The following AGAP1 variants were observed in gnomAD, a reference collection of about 807,000 sequenced individuals.
AGAP1 encodes the protein ArfGAP with GTPase domain, ankyrin repeat and PH domain 1, also known as arf-GAP with GTPase, ANK repeat and PH domain-containing protein 1.
A neutral mutation model predicts 105.3 loss-of-function variants in AGAP1; 29 were observed. The ratio of observed to expected loss-of-function variants is 0.28; its 90% CI spans 0.21 to 0.38. AGAP1 has a LOEUF of 0.38. AGAP1 is among the 10% of genes least tolerant of loss of function. AGAP1 has a pLI of 1.00. For synonymous variants in AGAP1, 509 were observed against 485.9 expected, an observed-to-expected ratio of 1.05 and a Z score of -0.63; for missense variants, 998 against 1,165.1, an observed-to-expected ratio of 0.86 and a Z score of 2.09.
intron 1 of AGAP1, among the ~76,000 whole-genome samples, chr2:235,682,833 G>A (rs79936392): frequency 0.033 from 4,182 of 127,874 alleles, 198 homozygotes; most frequent in African/African-American, 0.15. Flanking sequence ...CAGGCAGCAC[G>A]AGCACGGAAT....
Position 235,993,344 on chromosome 2 carries a change from T to C in AGAP1, c.1645+24721T>C, listed in dbSNP as rs924353404. Among the ~76,000 whole-genome samples, 1 of 152,200 alleles carries C rather than the reference T, an allele frequency of 6.6e-6. No homozygotes were observed. Among genetic ancestry groups the C allele is most frequent in the South Asian group, 2.1e-4 (1 of 4,828 alleles). ...ATTTCACTTGGGTTAGCCTTGTCCC[T>C]TCGACTAGGCTGGAAGCCCAAGAAG... is the stretch of plus-strand genomic sequence containing the variant. On this transcript the variant is annotated intron_variant, in intron 13 of 17. Coordinates refer to ENST00000304032, the MANE Select transcript of AGAP1 (RefSeq NM_001037131.3). The surrounding 1 kb of genome is among the most constrained non-coding windows in gnomAD (Gnocchi z 5.0).
intron 10 of AGAP1, among the ~76,000 whole-genome samples, chr2:235,896,692 A>T (rs1435012356): frequency 6.6e-6 from 1 of 152,222 alleles, no homozygotes; most frequent in African/African-American, 2.4e-5. Flanking sequence ...TTTGTCATTC[A>T]TGTGACCTGT....
chr2:235,841,942 A>G (rs1042212064), intron 9 of AGAP1, among the ~76,000 whole-genome samples: 1 of 152,140 alleles, frequency 6.6e-6, no homozygotes, highest in African/African-American at 2.4e-5. Flanking sequence ...CTACACGCTC[A>G]TTAGTGAGTT....
chr2:236,120,240 C>A lies in AGAP1; in HGVS notation c.2163C>A (p.Phe721Leu). The change falls in exon 17 of 18, where the codon TTC (phenylalanine) becomes TTA (leucine). Residue 721 changes from phenylalanine to leucine, a missense_variant. Coordinates refer to ENST00000304032, the MANE Select transcript of AGAP1 (RefSeq NM_001037131.3). The surrounding 1 kb of genome is among the most constrained non-coding windows in gnomAD (Gnocchi z 6.0). ...GTGCCAAGTACGAGCAGAAGCTCTT[C>A]CTGGCCCCGCTGCCCTGCACGGAGC... ...WIRAKYEQKL[F>L]LAPLPCTELS... 2 of 1,613,368 alleles carry A rather than the reference C, an allele frequency of 1.2e-6. No individual in the cohort carries two copies. The highest frequency in any genetic ancestry group is 1.7e-6 in the Non-Finnish European group (2 of 1,179,568).
intron 1 of AGAP1, among the ~76,000 whole-genome samples, chr2:235,558,334 T>C (rs923317307): frequency 1.3e-5 from 2 of 152,208 alleles, no homozygotes; most frequent in Non-Finnish European, 2.9e-5. Context: ...GCTTCTGTGC[T>C]TTGGAGACCT....
At chr2:236,049,344 G>A (rs1342588050) in intron 16 of AGAP1, 63 bp downstream of exon 16, 20 of 1,480,516 alleles carry the variant, frequency 1.4e-5, no homozygotes, top group Non-Finnish European at 1.7e-5. Context: ...AACTGGAAGT[G>A]ATCATAATGA....
rs939273692 is a variant in AGAP1 at position 236,012,938 on chromosome 2, T to C, written c.1646-23623T>C. ...ATTTTTGTATTTTTAGTAGAGACGG[T>C]GTTTTGCCATGTTGGCCAGGCTGGT... is the stretch of plus-strand genomic sequence containing the variant. On this transcript the variant is annotated intron_variant, in intron 13 of 17. Coordinates refer to ENST00000304032, the MANE Select transcript of AGAP1 (RefSeq NM_001037131.3). The surrounding 1 kb of genome is among the most constrained non-coding windows in gnomAD (Gnocchi z 4.9). 6.6e-6 allele frequency among the ~76,000 whole-genome samples: 1 copy of C among 151,956 alleles called. No homozygotes were observed. Among genetic ancestry groups the C allele is most frequent in the African/African-American group, 2.4e-5 (1 of 41,366 alleles).
intron 16 of AGAP1, among the ~76,000 whole-genome samples, chr2:236,066,645 A>G (rs570274998): frequency 6.6e-6 from 1 of 152,336 alleles, no homozygotes; most frequent in African/African-American, 2.4e-5. Flanking sequence ...CAAGTGGTAT[A>G]TTATTCTTTT....
chr2:235,710,445 C>T (rs1310379201), intron 2 of AGAP1, among the ~76,000 whole-genome samples: 1 of 152,330 alleles, frequency 6.6e-6, no homozygotes, highest in Non-Finnish European at 1.5e-5. Flanking sequence ...CACCCATCCC[C>T]ACCGCAACCG....
At chr2:235,952,852 G>T (rs1575868147) in intron 12 of AGAP1, among the ~76,000 whole-genome samples, 1 of 152,094 alleles carries the variant, frequency 6.6e-6, no homozygotes, top group Admixed American at 6.5e-5. Flanking sequence ...TTCTGTTCAG[G>T]GTCACTGTGG....
chr2:236,066,642 T>C (rs2058353800), intron 16 of AGAP1, among the ~76,000 whole-genome samples: 1 of 152,256 alleles, frequency 6.6e-6, no homozygotes, highest in African/African-American at 2.4e-5. Context: ...GAGCAAGTGG[T>C]ATATTATTCT....
At chr2:235,670,610 G>A (rs1948347958) in intron 1 of AGAP1, 2 of 576,588 alleles carry the variant, frequency 3.5e-6, no homozygotes, top group South Asian at 2.0e-5. Context: ...GACACTGGGC[G>A]GCGGAAGGCG....
At chr2:235,532,596 G>A (rs1035212063) in intron 1 of AGAP1, among the ~76,000 whole-genome samples, 1 of 152,100 alleles carries the variant, frequency 6.6e-6, no homozygotes, top group African/African-American at 2.4e-5. Flanking sequence ...CTTTGTCCTC[G>A]CCTTTTCATA....
chr2:235,516,365 C>A (rs186339666), intron 1 of AGAP1, among the ~76,000 whole-genome samples: 80 of 152,158 alleles, frequency 5.3e-4, no homozygotes, highest in African/African-American at 1.8e-3. Context: ...TTTTTTAAAT[C>A]TCTTGTGGCA....
rs554795081 is a variant in AGAP1 at position 235,989,192 on chromosome 2, T to C, written c.1645+20569T>C. ...TTAACAGCTTGTTGTCTGTGGTGTC[T>C]TCCTTCTTCCCTGGAATTAGATATT... is the stretch of plus-strand genomic sequence containing the variant. On this transcript the variant is annotated intron_variant, in intron 13 of 17. Transcript: ENST00000304032. The surrounding 1 kb of genome is among the most constrained non-coding windows in gnomAD (Gnocchi z 4.4). Among the ~76,000 whole-genome samples, 31 of 152,342 alleles carry C rather than the reference T, an allele frequency of 2.0e-4. No individual in the cohort carries two copies. In the South Asian group the frequency reaches 6.4e-3, roughly 32 times the overall value.
rs2050082996 is a variant in AGAP1, at chr2:235,882,569, T to C, written c.1051-776T>C. The C allele has an allele frequency of 1.5e-6, 1 of 655,094 alleles. No homozygotes were observed. Among genetic ancestry groups the C allele is most frequent in the African/African-American group, 1.9e-5 (1 of 53,710 alleles). The allele number at this position is 655,094 out of a possible 1,614,324, so 40.6% of individuals were successfully genotyped here. A position where few individuals can be genotyped will look rare whatever the true frequency, so the allele number is the denominator to read the frequency against. ...CACTCTGCCTCCTGGGTTCAAGCAA[T>C]TCCCCTGCTCAGCCTCCCCGAGTAG... is the stretch of plus-strand genomic sequence containing the variant. On this transcript the variant is annotated intron_variant, in intron 9 of 17. Transcript: ENST00000304032. This position sits in a 1 kb window ranked among gnomAD's most constrained non-coding sequence, Gnocchi z 4.6.
chr2:235,698,958 T>C (rs1950126701), intron 1 of AGAP1, among the ~76,000 whole-genome samples: 1 of 151,996 alleles, frequency 6.6e-6, no homozygotes, highest in Admixed American at 6.6e-5. Flanking sequence ...TGAAGGCAGG[T>C]GTCTGGAGAT....
chr2:235,550,781 C>T lies in AGAP1; in HGVS notation c.163+55932C>T, dbSNP rs1404526829. On this transcript the variant is annotated intron_variant, in intron 1 of 17. Transcript: ENST00000304032. The surrounding 1 kb of genome is among the most constrained non-coding windows in gnomAD (Gnocchi z 4.6). ...TGAGATAGTGTTTATTTATTTTTAT[C>T]TTATTTTTTTTGAGATAGAGTCTCA... 6.6e-6 allele frequency among the ~76,000 whole-genome samples: 1 copy of T among 151,998 alleles called. No homozygotes were observed. Among genetic ancestry groups the T allele is most frequent in the Non-Finnish European group, 1.5e-5 (1 of 68,016 alleles).
intron 13 of AGAP1, among the ~76,000 whole-genome samples, chr2:235,998,837 G>A (rs1476310209): frequency 6.6e-6 from 1 of 151,238 alleles, no homozygotes; most frequent in Non-Finnish European, 1.5e-5. Context: ...GGTGATGGTG[G>A]TGGTTGTGAG....
Sources: gnomAD v4.1 joint callset for allele counts (sites outside exome capture counted in the v4.1 genomes callset) on GRCh38, gnomAD v4.1.1 for gene constraint, Gnocchi (gnomAD v3.1) non-coding constraint, MANE v1.5 for transcripts, NCBI Gene and HGNC (gene_info 2026-07-23, HGNC 2026-07-21) for gene names.